ZFHX3: variants seen among roughly 807,000 people sequenced by gnomAD.
ZFHX3 encodes the protein zinc finger homeobox protein 3.
Under a neutral mutation model 279.1 loss-of-function variants are expected in ZFHX3, and 42 were observed. The observed-to-expected ratio is 0.15, with a 90% CI of 0.12 to 0.19. The LOEUF (loss-of-function observed/expected upper bound fraction) is 0.19, where lower values mean the gene tolerates loss of function less well. Ranked by LOEUF, ZFHX3 falls within the 10% of genes least tolerant of loss-of-function variation. The probability of loss-of-function intolerance (pLI) is 1.00; values close to 1 mark genes in which losing one functional copy is unlikely to be tolerated. For missense variants in ZFHX3, 4,981 were observed against 4,754.0 expected (o/e 1.05, Z -1.40); for synonymous variants, 2,293 against 1,957.8 (o/e 1.17, Z -4.52).
intron 3 of ZFHX3, among the ~76,000 whole-genome samples, chr16:72,934,680 T>G (rs1468152643): frequency 7.1e-6 from 1 of 140,762 alleles, no homozygotes; most frequent in African/African-American, 2.9e-5. Flanking sequence ...TTCATAACTC[T>G]TGTGTCCGCA....
rs1220305940 is a variant in ZFHX3 at position 73,483,930 on chromosome 16, GTTT to G, written c.-1546-27675_-1546-27673del. Among the ~76,000 whole-genome samples the G allele has an allele frequency of 7.7e-3, 1,003 of 129,932 alleles. 8 individuals are homozygous for G. Among genetic ancestry groups the G allele is most frequent in the African/African-American group, 0.021 (740 of 34,738 alleles). 85.2% of individuals were successfully genotyped at this position (129,932 alleles called of 152,430 possible). ...CCCCTGTTCCCCACCCTCTGCCTTT[GTTT>G]TTTTTTTTTTTTTTTTTAATTTCTG... On this transcript the variant is annotated intron_variant, in intron 2 of 17. Transcript: ENST00000641206.
intron 3 of ZFHX3, among the ~76,000 whole-genome samples, chr16:72,942,832 ACT>A (rs1960474923): frequency 6.6e-6 from 1 of 151,936 alleles, no homozygotes; most frequent in South Asian, 2.1e-4. Context: ...TCTTCTGGAA[ACT>A]CTCTCATCCT....
chr16:73,446,841 G>T (rs1356563500), intron 3 of ZFHX3, among the ~76,000 whole-genome samples: 1 of 151,968 alleles, frequency 6.6e-6, no homozygotes, highest in Non-Finnish European at 1.5e-5. Context: ...CATGACACAA[G>T]TTTACCTATA....
At chr16:73,052,251 T>C (rs1289734904), upstream of ZFHX3, among the ~76,000 whole-genome samples, 3 of 151,858 alleles carry the variant, frequency 2.0e-5, no homozygotes, top group Admixed American at 1.3e-4. Flanking sequence ...ATCCATTCCA[T>C]AGTATGTACC....
At chr16:73,497,214 C>A (rs982224821) in intron 2 of ZFHX3, among the ~76,000 whole-genome samples, 2 of 152,244 alleles carry the variant, frequency 1.3e-5, no homozygotes, top group African/African-American at 4.8e-5. Context: ...CTCCGACTGA[C>A]AAGCTTATGG....
chr16:73,815,174 A>G (rs563026697), intron 1 of ZFHX3, among the ~76,000 whole-genome samples: 4 of 152,340 alleles, frequency 2.6e-5, no homozygotes, highest in South Asian at 2.1e-4. Flanking sequence ...AATAGCATCT[A>G]TTGTTATTAT....
chr16:73,402,099 T>C (rs2143434370), intron 3 of ZFHX3: 1 of 152,340 alleles, frequency 6.6e-6, no homozygotes, highest in South Asian at 2.1e-4. Context: ...CTTTGTAAAA[T>C]ATGATTTTTT....
At chr16:73,181,289 T>G (rs1447714975) in intron 5 of ZFHX3, among the ~76,000 whole-genome samples, 1 of 151,892 alleles carries the variant, frequency 6.6e-6, no homozygotes, top group Non-Finnish European at 1.5e-5. Context: ...TTAGTAGAGA[T>G]AAGGTTTCTC....
chr16:73,172,945 T>TC (rs1555502623), intron 5 of ZFHX3, among the ~76,000 whole-genome samples: 25 of 145,854 alleles, frequency 1.7e-4, no homozygotes, highest in South Asian at 4.3e-4. Flanking sequence ...TTTTTTTTTT[T>TC]TTTCTTTCTT....
intron 4 of ZFHX3, among the ~76,000 whole-genome samples, chr16:72,880,837 C>T (rs992074883): frequency 3.9e-5 from 6 of 152,190 alleles, no homozygotes; most frequent in African/African-American, 7.2e-5. Context: ...TTAACATCCA[C>T]TCTGAAAAAC....
intron 5 of ZFHX3, among the ~76,000 whole-genome samples, chr16:72,826,990 C>T (rs936765225): frequency 6.6e-6 from 1 of 152,164 alleles, no homozygotes; most frequent in Non-Finnish European, 1.5e-5. Context: ...ACAAAGGCTG[C>T]CCTAAACTGG....
chr16:73,215,336 T>C (rs1010274986), intron 5 of ZFHX3, among the ~76,000 whole-genome samples: 7 of 152,184 alleles, frequency 4.6e-5, no homozygotes, highest in Admixed American at 2.0e-4. Context: ...TCATCCTTTC[T>C]CCACCCCTTC....
At chr16:72,808,186 C>T (rs1001023455) in intron 7 of ZFHX3, 7 of 152,156 alleles carry the variant, frequency 4.6e-5, no homozygotes, top group Non-Finnish European at 8.8e-5. Context: ...ATTGCAAATT[C>T]CATTTTTACA....
intron 3 of ZFHX3, among the ~76,000 whole-genome samples, chr16:73,368,378 A>G (rs577120522): frequency 3.3e-5 from 5 of 152,242 alleles, no homozygotes; most frequent in African/African-American, 4.8e-5. Flanking sequence ...CATTTTACTT[A>G]TGGTCTTTTC....
chr16:73,693,213 T>C (rs892378447), intron 1 of ZFHX3, among the ~76,000 whole-genome samples: 22 of 152,182 alleles, frequency 1.4e-4, no homozygotes, highest in African/African-American at 5.3e-4. Flanking sequence ...AGAGATAATA[T>C]ATAAATATTT....
Position 73,260,824 on chromosome 16 carries a change from A to AGG in ZFHX3, c.-1193-3690_-1193-3689dup, listed in dbSNP as rs371115896. ...CAGCCTCCCGAGTGGCTGGGATTAC[A>AGG]GGCGCCCACCACCATACCCGGCTAA... On this transcript the variant is annotated intron_variant, in intron 4 of 17. Transcript: ENST00000641206. Among the ~76,000 whole-genome samples the AGG allele has an allele frequency of 1.8e-3, 279 of 151,166 alleles. 2 individuals carry two copies. The highest frequency in any genetic ancestry group is 6.5e-3 in the African/African-American group (269 of 41,194).
intron 3 of ZFHX3, among the ~76,000 whole-genome samples, chr16:72,909,484 T>G (rs2039264578): frequency 6.6e-6 from 1 of 152,176 alleles, no homozygotes; most frequent in Non-Finnish European, 1.5e-5. Context: ...ATCACGCGCC[T>G]GCTCTCAATA....
rs375715224 is a variant in ZFHX3 at position 73,045,812 on chromosome 16, G to GGT, written c.-50+1939_-50+1940insAC. Among the ~76,000 whole-genome samples the GGT allele has an allele frequency of 4.3e-4, 63 of 147,954 alleles. 6 individuals carry two copies. Among genetic ancestry groups the GGT allele is most frequent in the Middle Eastern group, 3.6e-3 (1 of 280 alleles). On this transcript the variant is annotated intron_variant, in intron 1 of 9. Coordinates refer to ENST00000268489, the MANE Select transcript of ZFHX3 (RefSeq NM_006885.4). ...CAAAAAAAAAAAAAAAAGTGGGGGG[G>GGT]GGTTGTTGAGAGAGGGAAGTGACCC... is the stretch of plus-strand genomic sequence containing the variant.
intron 3 of ZFHX3, among the ~76,000 whole-genome samples, chr16:73,331,304 G>A (rs549079963): frequency 6.6e-6 from 1 of 152,258 alleles, no homozygotes; most frequent in Admixed American, 6.5e-5. Context: ...TGGGAATTAT[G>A]GGAACTACAA....
Sources: gnomAD v4.1 joint callset for allele counts (sites outside exome capture counted in the v4.1 genomes callset) on GRCh38, gnomAD v4.1.1 for gene constraint, MANE v1.5 for transcripts, NCBI Gene and HGNC (gene_info 2026-07-23, HGNC 2026-07-21) for gene names.